Variants in LOC400499 observed in about 807,000 individuals in gnomAD.
the LOC400499 span, chr16:11,431,168 A>G: frequency 7.5e-6 from 3 of 398,872 alleles, no homozygotes; most frequent in African/African-American, 6.2e-5. Context: ...CATTCCTCAG[A>G]TGCCTTGAGG....
At chr16:11,487,486 G>A in the LOC400499 span, 4 of 397,018 alleles carry the variant, frequency 1.0e-5, no homozygotes, top group Non-Finnish European at 1.8e-5. Flanking sequence ...CAGATACATG[G>A]TGTGTCTTCC....
At chr16:11,434,945 G>C in the LOC400499 span, among the ~76,000 whole-genome samples, 165 of 152,274 alleles carry the variant, frequency 1.1e-3, 1 homozygote, top group African/African-American at 3.8e-3. Context: ...GGGATCACTA[G>C]TGATTTTTAT....
At chr16:11,511,722 G>A in the LOC400499 span, among the ~76,000 whole-genome samples, 1 of 152,188 alleles carries the variant, frequency 6.6e-6, no homozygotes, top group African/African-American at 2.4e-5. Context: ...TTAGAGTGAT[G>A]ACAATGTTCT....
At chr16:11,524,430 G>A in the LOC400499 span, among the ~76,000 whole-genome samples, 3 of 141,362 alleles carry the variant, frequency 2.1e-5, no homozygotes, top group African/African-American at 8.4e-5. Context: ...GGCTAACGGT[G>A]GAGCCTTAGG....
At chr16:11,413,024 CCCCAGCCGAGCTCTATAG>C in the LOC400499 span, 2 of 398,388 alleles carry the variant, frequency 5.0e-6, no homozygotes, top group African/African-American at 4.1e-5. Flanking sequence ...TGGGTGGGGA[CCCCAGCCGAGCTCTATAG>C]CCCAGCACGT....
chr16:11,486,494 T>C, the LOC400499 span, among the ~76,000 whole-genome samples: 1 of 126,554 alleles, frequency 7.9e-6, no homozygotes, highest in African/African-American at 3.2e-5. Context: ...GAATGAATGA[T>C]GGCTGGATAG....
At chr16:11,420,605 CCCCG>C in the LOC400499 span, among the ~76,000 whole-genome samples, 1 of 91,772 alleles carries the variant, frequency 1.1e-5, no homozygotes, top group African/African-American at 5.6e-5. Flanking sequence ...AAACCCCCCC[CCCCG>C]GAAAAAAACC....
chr16:11,437,823 C>T, the LOC400499 span, among the ~76,000 whole-genome samples: 9 of 152,182 alleles, frequency 5.9e-5, no homozygotes, highest in African/African-American at 2.2e-4. Context: ...GAGCCGAGAT[C>T]ATGCCACGGC....
chr16:11,377,523 T>G, the LOC400499 span, among the ~76,000 whole-genome samples: 1 of 152,376 alleles, frequency 6.6e-6, no homozygotes, highest in African/African-American at 2.4e-5. Context: ...CACGAAAGGG[T>G]ATTAAACTTT....
the LOC400499 span, among the ~76,000 whole-genome samples, chr16:11,513,405 C>CGAAAAAA: frequency 2.8e-5 from 1 of 36,188 alleles, no homozygotes; most frequent in Non-Finnish European, 7.7e-5. Context: ...GACTGTGTCT[C>CGAAAAAA]CAAAAAAAAA....
chr16:11,495,160 G>C, the LOC400499 span, among the ~76,000 whole-genome samples: 1 of 151,232 alleles, frequency 6.6e-6, no homozygotes, highest in Admixed American at 6.6e-5. Flanking sequence ...AGTGAGCTGA[G>C]ATTGTACCAC....
chr16:11,385,373 G>A, the LOC400499 span: 43 of 1,232,298 alleles, frequency 3.5e-5, no homozygotes, highest in Non-Finnish European at 4.3e-5. Context: ...ATACCCGGCC[G>A]TCGAAGGTCA....
chr16:11,431,238 C>T, the LOC400499 span: 1,410 of 398,970 alleles, frequency 3.5e-3, 6 homozygotes, highest in African/African-American at 0.013. Flanking sequence ...TCCTAGGCAG[C>T]GAAGTAAGGG....
the LOC400499 span, chr16:11,449,110 G>A: frequency 5.5e-6 from 8 of 1,446,074 alleles, no homozygotes; most frequent in African/African-American, 8.3e-5. Flanking sequence ...GTGGAAACCT[G>A]CAATGAGGTG....
At chr16:11,399,726 G>C in the LOC400499 span, 20 of 398,728 alleles carry the variant, frequency 5.0e-5, no homozygotes, top group African/African-American at 3.3e-4. Context: ...CGGCCAGGCA[G>C]CCGTCCCAGG....
the LOC400499 span, among the ~76,000 whole-genome samples, chr16:11,523,959 A>T: frequency 2.4e-5 from 1 of 42,540 alleles, no homozygotes; most frequent in East Asian, 8.6e-4. Context: ...CCATCCACCC[A>T]CCCGCTCCCC....
chr16:11,468,666 C>T, the LOC400499 span, among the ~76,000 whole-genome samples: 5 of 152,246 alleles, frequency 3.3e-5, no homozygotes, highest in South Asian at 4.2e-4. Flanking sequence ...CTCGCTCTGT[C>T]GCCCAGGCTG....
the LOC400499 span, among the ~76,000 whole-genome samples, chr16:11,399,980 G>A: frequency 2.0e-5 from 3 of 151,916 alleles, no homozygotes; most frequent in Non-Finnish European, 4.4e-5. Context: ...AGGATGGAGG[G>A]TGGAGAGACT....
the LOC400499 span, among the ~76,000 whole-genome samples, chr16:11,419,116 A>C: frequency 6.6e-6 from 1 of 151,340 alleles, no homozygotes; most frequent in African/African-American, 2.4e-5. Flanking sequence ...CAGTGAGCCG[A>C]GATCACACTA....
Sources: allele counts gnomAD v4.1 joint callset (sites outside exome capture counted in the v4.1 genomes callset), GRCh38; gene constraint gnomAD v4.1.1; transcripts MANE v1.5.